The following MACROH2A1 variants were observed in gnomAD, a reference collection of about 807,000 sequenced individuals.
The protein encoded by MACROH2A1 is core histone macro-H2A.1.
In MACROH2A1, 2 loss-of-function variants were observed where a neutral mutation model predicts 31.6. The observed-to-expected ratio is 0.06, with a 90% CI of 0.03 to 0.20. MACROH2A1 has a LOEUF of 0.20. Ranked by LOEUF, MACROH2A1 falls within the 10% of genes least tolerant of loss-of-function variation. The pLI is 1.00. For synonymous variants in MACROH2A1, 169 were observed against 189.6 expected (o/e 0.89, Z 0.89); for missense variants, 230 against 474.0 (o/e 0.49, Z 4.78).
chr5:135,346,415 T>G (rs1760846813), intron 6 of MACROH2A1: 1 of 238,404 alleles, frequency 4.2e-6, no homozygotes, highest in Non-Finnish European at 8.3e-6. Flanking sequence ...GGTACTGGTT[T>G]CCAAGACTAA....
intron 1 of MACROH2A1, among the ~76,000 whole-genome samples, chr5:135,392,183 T>A (rs1272788645): frequency 6.6e-6 from 1 of 152,196 alleles, no homozygotes; most frequent in Non-Finnish European, 1.5e-5. Context: ...GACCACAGCC[T>A]GGAATTGCTC....
intron 4 of MACROH2A1, among the ~76,000 whole-genome samples, chr5:135,364,375 T>C (rs931820979): frequency 7.1e-6 from 1 of 141,754 alleles, no homozygotes; most frequent in Non-Finnish European, 1.5e-5. Context: ...TGTATACATA[T>C]GTAACACACC....
chr5:135,357,088 G>T (rs1429939453), intron 5 of MACROH2A1: 1 of 152,208 alleles, frequency 6.6e-6, no homozygotes, highest in Admixed American at 6.5e-5. Context: ...TCCAGGGCTG[G>T]CTCCTGCCCT....
At chr5:135,389,770 C>G (rs1348600869) in intron 1 of MACROH2A1, among the ~76,000 whole-genome samples, 5 of 152,222 alleles carry the variant, frequency 3.3e-5, no homozygotes, top group Non-Finnish European at 7.3e-5. Context: ...TCCTCTACAC[C>G]TCTTGTGGGG....
At chr5:135,385,270 C>G (rs2149936866) in intron 2 of MACROH2A1, among the ~76,000 whole-genome samples, 1 of 152,352 alleles carries the variant, frequency 6.6e-6, no homozygotes, top group East Asian at 1.9e-4. Context: ...AGCAGGGCAG[C>G]TCTGGTAACT....
intron 2 of MACROH2A1, among the ~76,000 whole-genome samples, chr5:135,383,838 A>AGGTACTAG: frequency 6.6e-6 from 1 of 152,046 alleles, no homozygotes; most frequent in East Asian, 1.9e-4. Context: ...GTGCCCAAGA[A>AGGTACTAG]GGTACTAGCA....
intron 4 of MACROH2A1, among the ~76,000 whole-genome samples, chr5:135,366,802 C>T (rs560623564): frequency 1.8e-4 from 27 of 152,172 alleles, no homozygotes; most frequent in African/African-American, 6.3e-4. Context: ...AATATGCATA[C>T]GGTTACTGAA....
At chr5:135,389,214 C>G (rs1434436624) in intron 1 of MACROH2A1, 88 bp from the exon 2 acceptor site, 19 of 958,940 alleles carry the variant, frequency 2.0e-5, no homozygotes, top group Non-Finnish European at 2.8e-5. Context: ...TGGAAGGCCC[C>G]AGGCCTGCCT....
intron 8 of MACROH2A1, among the ~76,000 whole-genome samples, chr5:135,339,853 TAG>T (rs922209557): frequency 2.8e-4 from 43 of 152,172 alleles, no homozygotes; most frequent in African/African-American, 9.9e-4. Context: ...CCCCTGCAGC[TAG>T]AGAGGGGATG....
intron 5 of MACROH2A1, chr5:135,357,931 C>G: frequency 1.0e-6 from 1 of 985,154 alleles, no homozygotes; most frequent in Non-Finnish European, 1.2e-6. Context: ...TGCACAATAT[C>G]ACCTTTCTCC....
intron 7 of MACROH2A1, chr5:135,343,785 C>A: frequency 3.5e-6 from 1 of 286,682 alleles, no homozygotes; most frequent in Non-Finnish European, 6.7e-6. Flanking sequence ...TTTGCAGCCT[C>A]AAAATAATTG....
chr5:135,381,566 G>T (rs1427638630), intron 2 of MACROH2A1, among the ~76,000 whole-genome samples: 1 of 152,124 alleles, frequency 6.6e-6, no homozygotes, highest in Non-Finnish European at 1.5e-5. Flanking sequence ...AGTGAGCCAT[G>T]ATCATGCCAG....
chr5:135,383,329 A>G (rs1765910680), intron 2 of MACROH2A1, among the ~76,000 whole-genome samples: 1 of 152,258 alleles, frequency 6.6e-6, no homozygotes, highest in African/African-American at 2.4e-5. Context: ...AAGGTCATCA[A>G]TAGCGTATGT....
intron 2 of MACROH2A1, among the ~76,000 whole-genome samples, chr5:135,371,384 A>G (rs1764160524): frequency 6.6e-6 from 1 of 152,256 alleles, no homozygotes; most frequent in Non-Finnish European, 1.5e-5. Flanking sequence ...TGATGAAATC[A>G]GTGTATTCTT....
chr5:135,342,108 C>G (rs1759989304), intron 8 of MACROH2A1, among the ~76,000 whole-genome samples: 1 of 152,200 alleles, frequency 6.6e-6, no homozygotes, highest in Non-Finnish European at 1.5e-5. Flanking sequence ...CCAATGCAGA[C>G]CTCGAGCCTT....
intron 2 of MACROH2A1, among the ~76,000 whole-genome samples, chr5:135,386,539 A>G (rs1239052083): frequency 1.3e-5 from 2 of 152,188 alleles, no homozygotes; most frequent in African/African-American, 4.8e-5. Context: ...CTACTTTTCC[A>G]GTGATAGTGA....
chr5:135,383,939 T>G (rs766034370), intron 2 of MACROH2A1, among the ~76,000 whole-genome samples: 1 of 152,192 alleles, frequency 6.6e-6, no homozygotes, highest in Non-Finnish European at 1.5e-5. Flanking sequence ...TCCTAGAGCC[T>G]TGGAGCATCA....
At chr5:135,362,937 GT>G (rs1763019846) in intron 4 of MACROH2A1, 1 of 152,180 alleles carries the variant, frequency 6.6e-6, no homozygotes, top group Non-Finnish European at 1.5e-5. Flanking sequence ...TTTTCCAACT[GT>G]TAAAAACAGT....
At chr5:135,365,911 C>T (rs1334854452) in intron 4 of MACROH2A1, among the ~76,000 whole-genome samples, 7 of 152,174 alleles carry the variant, frequency 4.6e-5, no homozygotes, top group Admixed American at 4.6e-4. Context: ...CTCTGTGCCC[C>T]CCACCCAAAT....
Sources: gnomAD v4.1 joint callset for allele counts (sites outside exome capture counted in the v4.1 genomes callset) on GRCh38, gnomAD v4.1.1 for gene constraint, MANE v1.5 for transcripts, NCBI Gene and HGNC (gene_info 2026-07-23, HGNC 2026-07-21) for gene names.